Variants in PHACTR1 observed in about 807,000 individuals in gnomAD.
PHACTR1 encodes phosphatase and actin regulator 1, also known as RPEL repeat containing 1.
A neutral mutation model predicts 69.2 loss-of-function variants in PHACTR1; 16 were observed. The ratio of observed to expected loss-of-function variants is 0.23; its 90% CI spans 0.16 to 0.35. The LOEUF (loss-of-function observed/expected upper bound fraction) is 0.35. Ranked by LOEUF, PHACTR1 falls within the 10% of genes least tolerant of loss-of-function variation. PHACTR1 has a pLI of 1.00. For missense variants in PHACTR1, 510 were observed against 734.7 expected (o/e 0.69, Z 3.54); for synonymous variants, 312 against 284.5 (o/e 1.10, Z -0.97).
At chr6:13,103,239 A>T (rs1027026949) in intron 5 of PHACTR1, among the ~76,000 whole-genome samples, 1 of 152,196 alleles carries the variant, frequency 6.6e-6, no homozygotes, top group African/African-American at 2.4e-5. Context: ...AGCAGTAGAT[A>T]TAATTGGAGG....
chr6:12,931,506 A>G (rs1158903358), intron 4 of PHACTR1, among the ~76,000 whole-genome samples: 3 of 152,130 alleles, frequency 2.0e-5, no homozygotes, highest in Non-Finnish European at 4.4e-5. Context: ...AAATAAATCC[A>G]GGAGAAAACT....
intron 3 of PHACTR1, among the ~76,000 whole-genome samples, chr6:12,735,870 T>A (rs942068845): frequency 6.6e-6 from 1 of 152,190 alleles, no homozygotes; most frequent in African/African-American, 2.4e-5. Flanking sequence ...AAGACCTAAG[T>A]TGGGGCCCAG....
At chr6:12,858,022 G>T (rs947492074) in intron 4 of PHACTR1, among the ~76,000 whole-genome samples, 2 of 152,138 alleles carry the variant, frequency 1.3e-5, no homozygotes, top group African/African-American at 4.8e-5. Flanking sequence ...AAAGATTACA[G>T]ATATAGCCTG....
intron 4 of PHACTR1, among the ~76,000 whole-genome samples, chr6:12,841,137 C>A (rs1778660115): frequency 6.6e-6 from 1 of 152,208 alleles, no homozygotes; most frequent in Non-Finnish European, 1.5e-5. Flanking sequence ...GGTAGAGTTA[C>A]TTCACTTAAT....
chr6:12,963,610 A>T (rs4711877), intron 4 of PHACTR1, among the ~76,000 whole-genome samples: 9 of 151,990 alleles, frequency 5.9e-5, no homozygotes, highest in African/African-American at 2.2e-4. Context: ...GTTCCCTGGG[A>T]GTTATGATCC....
At chr6:12,969,827 G>A (rs1793960979) in intron 4 of PHACTR1, among the ~76,000 whole-genome samples, 1 of 152,142 alleles carries the variant, frequency 6.6e-6, no homozygotes, top group African/African-American at 2.4e-5. Flanking sequence ...GCTGGGCATG[G>A]TGGCACGCGC....
At chr6:13,037,757 T>C (rs2127705463) in intron 4 of PHACTR1, among the ~76,000 whole-genome samples, 1 of 152,328 alleles carries the variant, frequency 6.6e-6, no homozygotes, top group Middle Eastern at 3.4e-3. Context: ...GAGATGTTCC[T>C]GGCTGCTGTG....
chr6:13,028,158 T>G (rs1176731144), intron 4 of PHACTR1, among the ~76,000 whole-genome samples: 1 of 152,224 alleles, frequency 6.6e-6, no homozygotes, highest in Non-Finnish European at 1.5e-5. Flanking sequence ...TTGTTTGTTT[T>G]GCAGAGTGCC....
intron 13 of PHACTR1, among the ~76,000 whole-genome samples, chr6:13,284,543 AAT>A (rs3037749): frequency 0.032 from 1,948 of 61,118 alleles, 48 homozygotes; most frequent in African/African-American, 0.05. Context: ...AAAAAAAAAA[AAT>A]ATATATATAT....
intron 5 of PHACTR1, among the ~76,000 whole-genome samples, chr6:13,123,507 G>C (rs553716535): frequency 1.1e-4 from 16 of 152,268 alleles, no homozygotes; most frequent in South Asian, 8.3e-4. Context: ...GAACAGGAAG[G>C]CCACCTAAAT....
intron 5 of PHACTR1, among the ~76,000 whole-genome samples, chr6:13,155,387 G>A (rs1758025324): frequency 6.6e-6 from 1 of 152,116 alleles, no homozygotes; most frequent in Non-Finnish European, 1.5e-5. Flanking sequence ...TTCTGTTTGT[G>A]AGTCCCTAGT....
rs139510433 is a variant in PHACTR1 at position 12,895,177 on chromosome 6, CTTTTTTTTT to C, written c.250+145400_250+145408del. Among the ~76,000 whole-genome samples, 338 of 88,294 alleles carry C rather than the reference CTTTTTTTTT, an allele frequency of 3.8e-3. 1 individual carries two copies. Among genetic ancestry groups the C allele is most frequent in the East Asian group, 0.028 (84 of 2,956 alleles). The allele number at this position is 88,294 out of a possible 152,430, so 57.9% of individuals were successfully genotyped here. A position where few individuals can be genotyped will look rare whatever the true frequency, so the allele number is the denominator to read the frequency against. On this transcript the variant is annotated intron_variant, in intron 4 of 14. Transcript: ENST00000332995. The stretch of plus-strand genomic sequence containing the variant: ...CTGATATTGTGACTCTTTCTTTTTT[CTTTTTTTTT>C]TTTTTTTTTTTTGAGACGAAGTTTC...
intron 4 of PHACTR1, among the ~76,000 whole-genome samples, chr6:12,862,725 C>A (rs1781065961): frequency 6.6e-6 from 1 of 152,206 alleles, no homozygotes; most frequent in South Asian, 2.1e-4. Flanking sequence ...AAAAGCACAT[C>A]TTCTCTGATG....
At chr6:12,841,050 A>G (rs528805242) in intron 4 of PHACTR1, among the ~76,000 whole-genome samples, 2 of 152,344 alleles carry the variant, frequency 1.3e-5, no homozygotes, top group South Asian at 4.1e-4. Context: ...TGGCTGCATT[A>G]AAGCAGTGAG....
At chr6:12,884,407 T>TC (rs1783424485) in intron 4 of PHACTR1, among the ~76,000 whole-genome samples, 1 of 152,010 alleles carries the variant, frequency 6.6e-6, no homozygotes, top group Admixed American at 6.6e-5. Flanking sequence ...ACTGAATTTT[T>TC]TTTTTTTTTT....
At chr6:13,074,755 A>T (rs1810151248) in intron 5 of PHACTR1, among the ~76,000 whole-genome samples, 1 of 152,346 alleles carries the variant, frequency 6.6e-6, no homozygotes, top group East Asian at 1.9e-4. Flanking sequence ...GGGGCTGGTT[A>T]TACAAATCAT....
chr6:13,156,720 C>T (rs1326990391), intron 5 of PHACTR1, among the ~76,000 whole-genome samples: 2 of 152,192 alleles, frequency 1.3e-5, no homozygotes, highest in East Asian at 1.9e-4. Flanking sequence ...CCTCCAACCC[C>T]GATTCTCACC....
At chr6:13,209,509 A>G (rs1583949245) in intron 8 of PHACTR1, among the ~76,000 whole-genome samples, 1 of 152,242 alleles carries the variant, frequency 6.6e-6, no homozygotes, top group Admixed American at 6.5e-5. Flanking sequence ...ATGTCACACC[A>G]TAGGCCATCG....
chr6:13,240,301 A>G (rs1160126611), intron 10 of PHACTR1, among the ~76,000 whole-genome samples: 1 of 152,116 alleles, frequency 6.6e-6, no homozygotes, highest in Non-Finnish European at 1.5e-5. Flanking sequence ...GCTGTTTATT[A>G]CTCACAGCAA....
Sources: allele counts gnomAD v4.1 joint callset (sites outside exome capture counted in the v4.1 genomes callset), GRCh38; gene constraint gnomAD v4.1.1; transcripts MANE v1.5; gene names NCBI Gene and HGNC (gene_info 2026-07-23, HGNC 2026-07-21).